Variants in SNCAIP observed in about 807,000 individuals in gnomAD.
SNCAIP encodes the protein synuclein alpha interacting protein, also known as synphilin-1.
A neutral mutation model predicts 86.7 loss-of-function variants in SNCAIP; 43 were observed. The observed-to-expected ratio is 0.50, with a 90% CI of 0.39 to 0.64. The LOEUF is 0.64. Among genes scored for constraint, SNCAIP ranks in the 30% least tolerant of loss-of-function variants. SNCAIP has a pLI of 0.00. For synonymous variants in SNCAIP, 417 were observed against 427.2 expected (o/e 0.98, Z 0.29); for missense variants, 981 against 1,103.1 (o/e 0.89, Z 1.57).
At chr5:122,366,210 A>G (rs1448073421) in intron 1 of SNCAIP, among the ~76,000 whole-genome samples, 1 of 152,202 alleles carries the variant, frequency 6.6e-6, no homozygotes, top group Non-Finnish European at 1.5e-5. Flanking sequence ...CAGCTCCCCT[A>G]GGGCTTAAAG....
chr5:122,324,410 A>G (rs548196749), intron 1 of SNCAIP, among the ~76,000 whole-genome samples: 3 of 152,190 alleles, frequency 2.0e-5, no homozygotes, highest in African/African-American at 7.2e-5. Context: ...TTATTGACTA[A>G]TTCCTATAGA....
At chr5:122,358,367 C>A (rs1294141780) in intron 1 of SNCAIP, among the ~76,000 whole-genome samples, 1 of 113,936 alleles carries the variant, frequency 8.8e-6, no homozygotes, top group Non-Finnish European at 1.7e-5. Context: ...CCCCCCACCC[C>A]ACAATAGGCC....
At chr5:122,393,723 T>G (rs1465576521) in intron 2 of SNCAIP, among the ~76,000 whole-genome samples, 2 of 152,206 alleles carry the variant, frequency 1.3e-5, no homozygotes, top group Non-Finnish European at 2.9e-5. Context: ...TCAGTAGTAC[T>G]GAGGATAAGA....
At position 122,444,707 on chromosome 5, in the gene SNCAIP, G is replaced by A; in HGVS notation, c.1567G>A (p.Val523Met). Residue 523 changes from valine (V) to methionine (M), a missense_variant, in exon 8 of 11, where the codon GTG (valine) becomes ATG (methionine). Coordinates refer to ENST00000261368, the MANE Select transcript of SNCAIP (RefSeq NM_005460.4). The stretch of plus-strand genomic sequence containing the variant: ...CTGCATGTCGCTGGCCTCTCAAGTG[G>A]TGAAGTTAACCAAGCAGCTAAAGGA... ...ETCMSLASQV[V>M]KLTKQLKEQT... 1 of 1,613,918 alleles carries A rather than the reference G, an allele frequency of 6.2e-7. No individual in the cohort carries two copies. Among genetic ancestry groups the A allele is most frequent in the Non-Finnish European group, 8.5e-7 (1 of 1,179,870 alleles).
In SNCAIP at chr5:122,450,777, G is replaced by C; in HGVS notation, c.1930G>C (p.Asp644His). The C allele has an allele frequency of 6.2e-7, 1 of 1,614,148 alleles. No homozygotes were observed. Among genetic ancestry groups the C allele is most frequent in the Non-Finnish European group, 8.5e-7 (1 of 1,179,980 alleles). Residue 644 changes from aspartate to histidine, a missense_variant, in exon 10 of 11, where the codon GAT (aspartate) becomes CAT (histidine). By Grantham distance (81) the Asp-to-His change is moderately conservative. Coordinates refer to ENST00000261368, the MANE Select transcript of SNCAIP (RefSeq NM_005460.4). The stretch of plus-strand genomic sequence containing the variant: ...GGAAAAACTGTCCTTGGAATTCCAG[G>C]ATGCTCAGGCTTCCTCTAGAAATTC... ...TQEKLSLEFQDAQASSRNSKK... is the reference protein window; with the variant it reads ...TQEKLSLEFQHAQASSRNSKK...
At chr5:122,436,054 G>A (rs891253315) in intron 6 of SNCAIP, among the ~76,000 whole-genome samples, 4 of 152,038 alleles carry the variant, frequency 2.6e-5, no homozygotes, top group South Asian at 2.1e-4. Flanking sequence ...CAGAGTCAGG[G>A]GTCATGAGGG....
At chr5:122,414,799 G>T (rs1774954928) in intron 3 of SNCAIP, among the ~76,000 whole-genome samples, 3 of 152,218 alleles carry the variant, frequency 2.0e-5, no homozygotes, top group Non-Finnish European at 4.4e-5. Flanking sequence ...TAGTTGAGAA[G>T]TCAGCATGCT....
At chr5:122,403,649 A>G (rs1185161702) in intron 2 of SNCAIP, 144 bp from the exon 3 acceptor site, 1 of 779,236 alleles carries the variant, frequency 1.3e-6, no homozygotes. Flanking sequence ...CACGCAGCCC[A>G]TTTAGGGTAA....
chr5:122,326,738 G>A (rs1398565066), intron 1 of SNCAIP, among the ~76,000 whole-genome samples: 1 of 148,652 alleles, frequency 6.7e-6, no homozygotes, highest in Non-Finnish European at 1.5e-5. Context: ...GTAAGGAGCT[G>A]AGTAGACAAA....
At chr5:122,396,328 A>G (rs1770613846) in intron 2 of SNCAIP, among the ~76,000 whole-genome samples, 1 of 152,194 alleles carries the variant, frequency 6.6e-6, no homozygotes. Flanking sequence ...ACTAGAATCT[A>G]GGTTCCCAAA....
chr5:122,338,882 C>G (rs953063325), intron 1 of SNCAIP, among the ~76,000 whole-genome samples: 5 of 152,028 alleles, frequency 3.3e-5, no homozygotes, highest in African/African-American at 9.7e-5. Context: ...ATTAAGTCCT[C>G]TAAATAGAAT....
At chr5:122,451,837 A>G in intron 10 of SNCAIP, 1 of 496,294 alleles carries the variant, frequency 2.0e-6, no homozygotes, top group Non-Finnish European at 3.6e-6. Context: ...AAAAAATAAG[A>G]GATTATATTC....
At chr5:122,446,406 C>T (rs1156765756) in intron 8 of SNCAIP, among the ~76,000 whole-genome samples, 3 of 152,210 alleles carry the variant, frequency 2.0e-5, no homozygotes, top group Non-Finnish European at 4.4e-5. Context: ...AAACATCCTC[C>T]TTCTTGTTCA....
chr5:122,407,952 A>G (rs1405213832), intron 3 of SNCAIP, among the ~76,000 whole-genome samples: 1 of 152,144 alleles, frequency 6.6e-6, no homozygotes, highest in Non-Finnish European at 1.5e-5. Flanking sequence ...TGTTCGTTGA[A>G]TTTCCACTCA....
At chr5:122,416,536 T>C (rs1002570597) in intron 3 of SNCAIP, among the ~76,000 whole-genome samples, 1 of 152,078 alleles carries the variant, frequency 6.6e-6, no homozygotes, top group Non-Finnish European at 1.5e-5. Flanking sequence ...CCATCACAAT[T>C]CTCCAAATCC....
chr5:122,460,921 GTCTC>G (rs1561828140), intron 10 of SNCAIP, among the ~76,000 whole-genome samples: 1 of 152,122 alleles, frequency 6.6e-6, no homozygotes, highest in East Asian at 1.9e-4. Context: ...TCATCCTGGA[GTCTC>G]TCATGCACAT....
intron 1 of SNCAIP, among the ~76,000 whole-genome samples, chr5:122,358,798 T>C (rs1486075509): frequency 6.6e-6 from 1 of 152,140 alleles, no homozygotes; most frequent in African/African-American, 2.4e-5. Context: ...TGTGTAAGGA[T>C]TGTAGCTGAG....
rs953682581 is a variant in SNCAIP at position 122,444,751 on chromosome 5, C to T, written c.1592+19C>T. 2.4e-5 allele frequency: 38 copies of T among 1,604,836 alleles called. No individual in the cohort carries two copies. Among genetic ancestry groups the T allele is most frequent in the Non-Finnish European group, 3.2e-5 (38 of 1,171,656 alleles). Reference sequence around the variant, plus strand: ...TAAAGGAGTAAGTGGCCTGTTGGTTCCATGAGAACCAAGTCTAACTCATTA... The same window carrying T: ...TAAAGGAGTAAGTGGCCTGTTGGTTTCATGAGAACCAAGTCTAACTCATTA... On this transcript the variant is annotated intron_variant, in intron 8 of 10. Coordinates refer to ENST00000261368, the MANE Select transcript of SNCAIP (RefSeq NM_005460.4).
intron 1 of SNCAIP, among the ~76,000 whole-genome samples, chr5:122,342,011 T>C (rs1400847163): frequency 6.6e-6 from 1 of 152,096 alleles, no homozygotes; most frequent in African/African-American, 2.4e-5. Flanking sequence ...TCAAGCCACA[T>C]CCCCCTCTAA....
Sources: allele counts gnomAD v4.1 joint callset (sites outside exome capture counted in the v4.1 genomes callset), GRCh38; gene constraint gnomAD v4.1.1; transcripts MANE v1.5; gene names NCBI Gene and HGNC (gene_info 2026-07-23, HGNC 2026-07-21).